Variants in SRGAP1 observed in about 807,000 individuals in gnomAD.
SRGAP1 encodes the protein SLIT-ROBO Rho GTPase-activating protein 1.
SRGAP1 carries 43 observed loss-of-function variants against 121.9 expected under a neutral mutation model. The observed-to-expected ratio is 0.35, with a 90% CI of 0.28 to 0.46. The LOEUF (loss-of-function observed/expected upper bound fraction) is 0.46. Ranked by LOEUF, SRGAP1 falls within the 20% of genes least tolerant of loss-of-function variation. The pLI is 1.00. For missense variants in SRGAP1, 1,102 were observed against 1,350.9 expected (o/e 0.82, Z 2.89); for synonymous variants, 447 against 485.4 (o/e 0.92, Z 1.04).
intron 1 of SRGAP1, among the ~76,000 whole-genome samples, chr12:63,923,178 G>A (rs66914642): frequency 0.049 from 7,408 of 152,194 alleles, 190 homozygotes; most frequent in Non-Finnish European, 0.062. Flanking sequence ...TACCCTACCA[G>A]CCTTTTCTTA....
chr12:64,076,235 TAAG>T (rs1291009565), intron 8 of SRGAP1, among the ~76,000 whole-genome samples: 2 of 152,104 alleles, frequency 1.3e-5, no homozygotes, highest in African/African-American at 4.8e-5. Context: ...AATGAGGAGA[TAAG>T]AAACCATGAG....
chr12:63,934,200 G>A (rs1232954543), intron 1 of SRGAP1, among the ~76,000 whole-genome samples: 1 of 152,066 alleles, frequency 6.6e-6, no homozygotes, highest in African/African-American at 2.4e-5. Flanking sequence ...ACTTGACAAG[G>A]CATGTCAACT....
At chr12:64,118,584 TTTTG>T (rs1311498943) in intron 18 of SRGAP1, among the ~76,000 whole-genome samples, 1 of 152,036 alleles carries the variant, frequency 6.6e-6, no homozygotes, top group Non-Finnish European at 1.5e-5. Flanking sequence ...CTTTTGTTTG[TTTTG>T]TTTGTTTCCT....
In SRGAP1 at chr12:64,161,545, G is replaced by C. The variant is rs771002855; in HGVS notation, c.*18873G>C. The C allele has an allele frequency of 2.0e-4, 31 of 152,042 alleles. No individual in the cohort carries two copies. The highest frequency in any genetic ancestry group is 3.8e-4 in the Non-Finnish European group (26 of 67,998). 9.4% of individuals were successfully genotyped at this position (152,042 alleles called of 1,614,324 possible). The stretch of plus-strand genomic sequence containing the variant: ...TATAGAATCCTGTCCTTATTTGACA[G>C]GTCCTATATATTTTTTTATTTTGAG... On this transcript the variant is annotated 3_prime_UTR_variant, in exon 22 of 22. Transcript: ENST00000355086.
At chr12:63,939,562 G>A (rs1272801715) in intron 1 of SRGAP1, among the ~76,000 whole-genome samples, 2 of 152,172 alleles carry the variant, frequency 1.3e-5, no homozygotes, top group African/African-American at 4.8e-5. Flanking sequence ...GCACCCCATA[G>A]TGTTTGAAGT....
At chr12:63,901,609 C>T (rs1030579668) in intron 1 of SRGAP1, among the ~76,000 whole-genome samples, 1 of 152,210 alleles carries the variant, frequency 6.6e-6, no homozygotes, top group African/African-American at 2.4e-5. Context: ...CCCTTAATCA[C>T]ATATTGTTTT....
chr12:63,974,606 A>G (rs368807262), intron 1 of SRGAP1, among the ~76,000 whole-genome samples: 1 of 152,150 alleles, frequency 6.6e-6, no homozygotes, highest in South Asian at 2.1e-4. Context: ...TAGATATGCT[A>G]GTCACCTCTA....
At chr12:64,103,166 G>A (rs2036286572) in intron 15 of SRGAP1, among the ~76,000 whole-genome samples, 1 of 151,958 alleles carries the variant, frequency 6.6e-6, no homozygotes, top group Non-Finnish European at 1.5e-5. Flanking sequence ...TTTTTTGGTA[G>A]AGACAGGGTT....
At chr12:63,977,502 C>G (rs1047554372) in intron 1 of SRGAP1, among the ~76,000 whole-genome samples, 20 of 152,094 alleles carry the variant, frequency 1.3e-4, no homozygotes, top group African/African-American at 4.6e-4. Context: ...GTGGATCAAT[C>G]TTTCCGTGAA....
At chr12:63,958,507 G>A (rs375105142) in intron 1 of SRGAP1, among the ~76,000 whole-genome samples, 3 of 152,158 alleles carry the variant, frequency 2.0e-5, no homozygotes, top group African/African-American at 4.8e-5. Flanking sequence ...CTTGTTGAAC[G>A]ATGACTTGAT....
chr12:64,134,390 T>C (rs141704653), intron 21 of SRGAP1, among the ~76,000 whole-genome samples: 5,120 of 148,424 alleles, frequency 0.034, 308 homozygotes, highest in African/African-American at 0.12. Flanking sequence ...CACTGCACTC[T>C]AGCCTGAGCG....
Position 64,159,848 on chromosome 12 carries a change from G to C in SRGAP1, c.*17176G>C, listed in dbSNP as rs1025061725. On this transcript the variant is annotated 3_prime_UTR_variant, in exon 22 of 22. Transcript: ENST00000355086. ...CTACAACAGCAGGAAATAAACTACT[G>C]TTATATCAAGCTACTGACATTGAGA... 1 of 152,152 alleles carries C rather than the reference G, an allele frequency of 6.6e-6. No homozygotes were observed. Among genetic ancestry groups the C allele is most frequent in the Non-Finnish European group, 1.5e-5 (1 of 68,042 alleles). 9.4% of individuals were successfully genotyped at this position (152,152 alleles called of 1,614,324 possible). A position where few individuals can be genotyped will look rare whatever the true frequency, so the allele number is the denominator to read the frequency against.
intron 12 of SRGAP1, among the ~76,000 whole-genome samples, chr12:64,094,618 A>G (rs1158637503): frequency 2.0e-5 from 3 of 152,222 alleles, no homozygotes; most frequent in African/African-American, 7.2e-5. Context: ...TGAAGATGCT[A>G]TGATTATAAT....
intron 2 of SRGAP1, 55 bp from the exon 3 acceptor site, chr12:63,989,855 T>A (rs1454384814): frequency 6.8e-7 from 1 of 1,467,964 alleles, no homozygotes; most frequent in Non-Finnish European, 9.3e-7. Context: ...ACTTCACTCA[T>A]CTGATTGGGG....
At chr12:63,908,999 T>G (rs890952164) in intron 1 of SRGAP1, among the ~76,000 whole-genome samples, 1 of 152,116 alleles carries the variant, frequency 6.6e-6, no homozygotes, top group South Asian at 2.1e-4. Flanking sequence ...CAAGTGATTC[T>G]CGTGCCTCAG....
chr12:64,086,483 T>A (rs919276323), intron 10 of SRGAP1, among the ~76,000 whole-genome samples: 1 of 152,190 alleles, frequency 6.6e-6, no homozygotes, highest in African/African-American at 2.4e-5. Context: ...TTCGCAAATG[T>A]CATTTCTGAT....
intron 1 of SRGAP1, chr12:63,982,503 TTATTC>T (rs1053750798): frequency 6.6e-6 from 1 of 152,276 alleles, no homozygotes; most frequent in Non-Finnish European, 1.5e-5. Flanking sequence ...CCTGACCACC[TTATTC>T]ATGGACTTGC....
At position 64,128,097 on chromosome 12, in the gene SRGAP1, C is replaced by G. The variant is rs769234004; in HGVS notation, c.2777C>G (p.Ser926Cys). ...GSLTNISRHD[S>C]LKKIDSPPIR... ...CTGACCAACATCAGCCGGCACGACT[C>G]CCTCAAGAAGATCGACAGCCCTCCC... is the stretch of plus-strand genomic sequence containing the variant. Residue 926 changes from serine to cysteine, a missense_variant, in exon 21 of 22, where the codon TCC becomes TGC. This residue lies in a region of SRGAP1 where 315 missense variants were observed against 343.1 expected (regional missense o/e 0.92). Transcript: ENST00000355086. The G allele has an allele frequency of 6.2e-7, 1 of 1,614,048 alleles. No individual in the cohort carries two copies. The highest frequency in any genetic ancestry group is 1.3e-5 in the African/African-American group (1 of 74,914).
intron 1 of SRGAP1, among the ~76,000 whole-genome samples, chr12:63,847,079 C>T (rs184560771): frequency 7.9e-5 from 12 of 152,162 alleles, no homozygotes; most frequent in Non-Finnish European, 1.3e-4. Flanking sequence ...CTGTAATCTC[C>T]GCATTTCAGG....
Sources: gnomAD v4.1 joint callset for allele counts (sites outside exome capture counted in the v4.1 genomes callset) on GRCh38, gnomAD v4.1.1 for gene constraint, gnomAD v4.1.1 regional missense constraint, MANE v1.5 for transcripts, NCBI Gene and HGNC (gene_info 2026-07-23, HGNC 2026-07-21) for gene names.